Variants in TRPM3 observed in about 807,000 individuals in gnomAD.
TRPM3 encodes transient receptor potential cation channel subfamily M member 3, also known as long transient receptor potential channel 3.
A neutral mutation model predicts 181.2 loss-of-function variants in TRPM3; 77 were observed. The observed-to-expected ratio is 0.42, with a 90% CI of 0.35 to 0.51. The LOEUF is 0.51. TRPM3 is among the 20% of genes least tolerant of loss of function. The pLI, the probability that TRPM3 is intolerant of heterozygous loss-of-function variation, is 0.01. For synonymous variants in TRPM3, 745 were observed against 796.4 expected, an observed-to-expected ratio of 0.94 and a Z score of 1.09; for missense variants, 1,759 against 2,196.7, an observed-to-expected ratio of 0.80 and a Z score of 3.98.
chr9:71,254,125 G>A (rs1202974381), intron 1 of TRPM3, among the ~76,000 whole-genome samples: 1 of 152,104 alleles, frequency 6.6e-6, no homozygotes, highest in African/African-American at 2.4e-5. Context: ...TCACCATGTT[G>A]GCCAGGATGG....
intron 1 of TRPM3, among the ~76,000 whole-genome samples, chr9:71,271,049 A>G (rs1213607476): frequency 1.3e-5 from 2 of 152,164 alleles, no homozygotes; most frequent in Non-Finnish European, 2.9e-5. Flanking sequence ...CAAATAAGTC[A>G]TTATTTCTGT....
At chr9:71,165,385 GA>G (rs35389685) in intron 1 of TRPM3, among the ~76,000 whole-genome samples, 18 of 152,098 alleles carry the variant, frequency 1.2e-4, no homozygotes, top group African/African-American at 3.6e-4. Flanking sequence ...AAGTGGGGAT[GA>G]AAAAAGCAGC....
Position 70,686,818 on chromosome 9 carries a change from T to C in TRPM3, c.1273-5240A>G, listed in dbSNP as rs573309536. Among the ~76,000 whole-genome samples, 6 of 93,500 alleles carry C rather than the reference T, an allele frequency of 6.4e-5. 1 individual carries two copies. In the South Asian group the frequency reaches 2.6e-3, roughly 41 times the overall value. The allele number at this position is 93,500 out of a possible 152,430, so 61.3% of individuals were successfully genotyped here. On this transcript the variant is annotated intron_variant, in intron 8 of 25. Transcript: ENST00000677713. ...CCCTCCCTCCCTCTTTCTTTTCTTT[T>C]CTTTTTCTTTTTTTTTTTCTTTTTT...
chr9:70,856,961 A>C (rs1223092646), intron 3 of TRPM3, among the ~76,000 whole-genome samples: 1 of 152,126 alleles, frequency 6.6e-6, no homozygotes, highest in African/African-American at 2.4e-5. Flanking sequence ...TTCCTTTCCT[A>C]AATAATGTAA....
chr9:70,562,978 A>C (rs2049515101), intron 22 of TRPM3, among the ~76,000 whole-genome samples: 1 of 152,142 alleles, frequency 6.6e-6, no homozygotes, highest in Non-Finnish European at 1.5e-5. Flanking sequence ...AGTTTCTATC[A>C]CTAAACAGGT....
chr9:70,878,304 T>C (rs1389220496), intron 1 of TRPM3, among the ~76,000 whole-genome samples: 2 of 152,104 alleles, frequency 1.3e-5, no homozygotes, highest in Non-Finnish European at 2.9e-5. Context: ...GTGGAGTTAA[T>C]TGTACTTCAT....
At position 71,270,661 on chromosome 9, in the gene TRPM3, T is replaced by G. The variant is rs1435643438; in HGVS notation, c.183+175992A>C. 2.0e-5 allele frequency among the ~76,000 whole-genome samples: 3 copies of G among 152,186 alleles called. No homozygotes were observed. In the East Asian group the frequency reaches 5.8e-4, roughly 29 times the overall value. ...TTCCTGTGGTAGGAAGAATGATATC[T>G]TCCTAATACCTTTACTCCTGGTATA... On this transcript the variant is annotated intron_variant, in intron 1 of 24. Coordinates refer to the TRPM3 transcript ENST00000357533.
intron 5 of TRPM3, among the ~76,000 whole-genome samples, chr9:70,834,954 T>G (rs2094205495): frequency 6.6e-6 from 1 of 152,216 alleles, no homozygotes; most frequent in Non-Finnish European, 1.5e-5. Flanking sequence ...AGGTGAGGCT[T>G]GGTGGGAAGT....
chr9:71,259,656 T>C (rs1382696972), intron 1 of TRPM3, among the ~76,000 whole-genome samples: 3 of 151,850 alleles, frequency 2.0e-5, no homozygotes, highest in East Asian at 3.9e-4. Context: ...TGATGAGCCT[T>C]TTTTTTTGCA....
chr9:71,388,161 A>G (rs2132925334), intron 1 of TRPM3, among the ~76,000 whole-genome samples: 1 of 152,282 alleles, frequency 6.6e-6, no homozygotes, highest in South Asian at 2.1e-4. Flanking sequence ...CAGTTATATG[A>G]TGAGCTAAGA....
intron 8 of TRPM3, among the ~76,000 whole-genome samples, chr9:70,746,000 T>C (rs1003611276): frequency 2.0e-5 from 3 of 152,182 alleles, no homozygotes; most frequent in Non-Finnish European, 4.4e-5. Context: ...AGTTAACAAT[T>C]ACTGAGTGCT....
At chr9:70,898,789 A>C (rs1319959325) in intron 1 of TRPM3, among the ~76,000 whole-genome samples, 2 of 151,756 alleles carry the variant, frequency 1.3e-5, no homozygotes, top group Non-Finnish European at 2.9e-5. Context: ...AAAGAAAAGA[A>C]AGAAAAAATT....
intron 1 of TRPM3, among the ~76,000 whole-genome samples, chr9:71,350,652 C>T (rs1261124425): frequency 2.0e-5 from 3 of 152,178 alleles, no homozygotes; most frequent in African/African-American, 7.2e-5. Context: ...AAGTCCAATG[C>T]TTTTACATTG....
chr9:71,110,520 C>T (rs536583576), intron 1 of TRPM3, among the ~76,000 whole-genome samples: 7 of 152,242 alleles, frequency 4.6e-5, no homozygotes, highest in East Asian at 1.9e-4. Context: ...GGCTGCATGA[C>T]GCATAGAGTA....
At chr9:70,696,831 A>G in intron 8 of TRPM3, among the ~76,000 whole-genome samples, 1 of 152,164 alleles carries the variant, frequency 6.6e-6, no homozygotes, top group East Asian at 1.9e-4. Flanking sequence ...TAATCCCCCC[A>G]GACCCTTCTC....
At chr9:71,150,513 C>T (rs998638736) in intron 1 of TRPM3, among the ~76,000 whole-genome samples, 7 of 152,092 alleles carry the variant, frequency 4.6e-5, no homozygotes, top group Non-Finnish European at 1.0e-4. Context: ...AGTTTCAATA[C>T]TATGTCAAAT....
At chr9:71,409,572 T>C (rs1023145434) in intron 1 of TRPM3, among the ~76,000 whole-genome samples, 4 of 152,094 alleles carry the variant, frequency 2.6e-5, no homozygotes, top group African/African-American at 9.7e-5. Context: ...CCTAAATATA[T>C]ATGCACCCAA....
intron 22 of TRPM3, among the ~76,000 whole-genome samples, chr9:70,587,464 G>A (rs897269605): frequency 2.0e-5 from 3 of 152,184 alleles, no homozygotes; most frequent in Non-Finnish European, 4.4e-5. Flanking sequence ...CGTTTTCCCT[G>A]CCAACAAAGG....
At chr9:70,989,447 G>C (rs1028146342) in intron 1 of TRPM3, among the ~76,000 whole-genome samples, 10 of 152,146 alleles carry the variant, frequency 6.6e-5, no homozygotes, top group African/African-American at 2.2e-4. Flanking sequence ...AAACAATCTA[G>C]AAGCAACAGC....
Sources: allele counts gnomAD v4.1 joint callset (sites outside exome capture counted in the v4.1 genomes callset), GRCh38; gene constraint gnomAD v4.1.1; transcripts MANE v1.5; gene names NCBI Gene and HGNC (gene_info 2026-07-23, HGNC 2026-07-21).